STXBP5: variants seen among roughly 807,000 people sequenced by gnomAD.
STXBP5 encodes the protein syntaxin-binding protein 5.
In STXBP5, 50 loss-of-function variants were observed where a neutral mutation model predicts 152.4. That is an observed-to-expected ratio of 0.33 (90% CI 0.26 to 0.42). The LOEUF (loss-of-function observed/expected upper bound fraction) is 0.42. Among genes scored for constraint, STXBP5 ranks in the 10% least tolerant of loss-of-function variants. The pLI, the probability that STXBP5 is intolerant of heterozygous loss-of-function variation, is 1.00. For missense variants in STXBP5, 1,167 were observed against 1,388.6 expected, an observed-to-expected ratio of 0.84 and a Z score of 2.54; for synonymous variants, 492 against 494.7, an observed-to-expected ratio of 0.99 and a Z score of 0.07.
intron 23 of STXBP5, among the ~76,000 whole-genome samples, chr6:147,360,634 A>G (rs947595050): frequency 2.0e-5 from 3 of 152,132 alleles, no homozygotes; most frequent in Non-Finnish European, 2.9e-5. Flanking sequence ...CATTCTACAC[A>G]TGGTTATTTT....
At chr6:147,373,012 G>A (rs1319633187) in intron 25 of STXBP5, among the ~76,000 whole-genome samples, 1 of 152,078 alleles carries the variant, frequency 6.6e-6, no homozygotes, top group Admixed American at 6.6e-5. Flanking sequence ...TCAGCTAAAA[G>A]TTATAATTCC....
chr6:147,299,367 T>C (rs955932222), intron 9 of STXBP5, among the ~76,000 whole-genome samples: 25 of 151,796 alleles, frequency 1.6e-4, no homozygotes, highest in African/African-American at 5.8e-4. Flanking sequence ...GTAATAAAAG[T>C]AGTGTCCCAG....
chr6:147,206,617 T>C (rs1776577900), intron 2 of STXBP5, among the ~76,000 whole-genome samples: 1 of 152,148 alleles, frequency 6.6e-6, no homozygotes. Flanking sequence ...GAGCGTTTTC[T>C]TGAAAAATGC....
intron 22 of STXBP5, 77 bp from the exon 23 acceptor site, chr6:147,359,007 C>G: frequency 6.6e-7 from 1 of 1,516,888 alleles, no homozygotes; most frequent in South Asian, 1.3e-5. Context: ...ACTATTTGAC[C>G]AAATTTATAT....
intron 18 of STXBP5, among the ~76,000 whole-genome samples, chr6:147,333,393 G>A (rs1002851571): frequency 6.6e-6 from 1 of 151,974 alleles, no homozygotes; most frequent in Non-Finnish European, 1.5e-5. Context: ...GCATGGTGGG[G>A]CGCACCTGTA....
chr6:147,345,009 A>T (rs912280246), intron 21 of STXBP5, among the ~76,000 whole-genome samples: 2 of 152,196 alleles, frequency 1.3e-5, no homozygotes, highest in Admixed American at 6.5e-5. Flanking sequence ...ACAAGTACTC[A>T]TATCTTTAAA....
rs1228258044 is a variant in STXBP5, at chr6:147,287,415, G to T, written c.839-3679G>T. Among the ~76,000 whole-genome samples, 6 of 151,440 alleles carry T rather than the reference G, an allele frequency of 4.0e-5. No individual in the cohort carries two copies. The East Asian group carries it at 9.7e-4, about 24-fold the overall frequency. ...GACGGGGTTTCACCGTTTTAGCCGG[G>T]ATGGTCTCGATCTCCTGACCTCGTG... On this transcript the variant is annotated intron_variant, in intron 8 of 27. Coordinates refer to ENST00000321680, the MANE Select transcript of STXBP5 (RefSeq NM_001127715.4).
intron 4 of STXBP5, among the ~76,000 whole-genome samples, chr6:147,255,111 T>C (rs952017470): frequency 2.0e-5 from 3 of 152,148 alleles, no homozygotes; most frequent in African/African-American, 4.8e-5. Flanking sequence ...ATGTGGCACA[T>C]ATACACCTGG....
chr6:147,248,450 GT>G (rs902808294), intron 4 of STXBP5, among the ~76,000 whole-genome samples: 16 of 151,590 alleles, frequency 1.1e-4, no homozygotes, highest in Non-Finnish European at 1.8e-4. Flanking sequence ...AAATAATTGA[GT>G]TTTTTTTTAA....
In STXBP5 at chr6:147,260,766, A is replaced by C. The variant is rs778991664; in HGVS notation, c.566+17A>C. On this transcript the variant is annotated intron_variant, in intron 5 of 27. Coordinates refer to ENST00000321680, the MANE Select transcript of STXBP5 (RefSeq NM_001127715.4). ...CATTGAACTGTGAGTTTGAACAAAT[A>C]TTTTGTATCTGAAAGCATCAGTTCT... The C allele has an allele frequency of 6.2e-7, 1 of 1,611,052 alleles. No individual in the cohort carries two copies. The highest frequency in any genetic ancestry group is 2.2e-5 in the East Asian group (1 of 44,800).
intron 4 of STXBP5, among the ~76,000 whole-genome samples, chr6:147,245,719 T>A (rs1468691283): frequency 6.6e-6 from 1 of 152,214 alleles, no homozygotes; most frequent in Non-Finnish European, 1.5e-5. Context: ...AGGTGGAGAC[T>A]AATCTGGTGT....
At chr6:147,328,698 G>A (rs779081018) in intron 18 of STXBP5, 6 of 470,088 alleles carry the variant, frequency 1.3e-5, no homozygotes, top group South Asian at 9.3e-5. Context: ...GCTTCACTAA[G>A]GTGTGCTGAT....
chr6:147,377,956 AAG>A (rs1414586507), intron 26 of STXBP5, among the ~76,000 whole-genome samples: 5 of 152,220 alleles, frequency 3.3e-5, no homozygotes, highest in Non-Finnish European at 7.3e-5. Context: ...AGTTAAAAAT[AAG>A]AGAATGTAAT....
At chr6:147,310,052 A>G (rs751982037) in intron 9 of STXBP5, 32 bp from the exon 10 acceptor site, 23 of 1,407,344 alleles carry the variant, frequency 1.6e-5, no homozygotes, top group Non-Finnish European at 1.8e-5. Flanking sequence ...TTACTATGCC[A>G]TTAATAATCT....
chr6:147,256,391 T>C (rs889043731), intron 4 of STXBP5, among the ~76,000 whole-genome samples: 6 of 152,156 alleles, frequency 3.9e-5, no homozygotes, highest in Non-Finnish European at 8.8e-5. Flanking sequence ...GTATCTGCAG[T>C]ATAGAAGGGC....
In STXBP5 at chr6:147,314,194, C is replaced by CAG. The variant is rs1333034084; in HGVS notation, c.1294-69_1294-68insGA. On this transcript the variant is annotated intron_variant, in intron 12 of 27. Transcript: ENST00000321680. ...TCACTGGATTATTTACACACACACA[C>CAG]ACACACACACACACACGGAGGTATG... is the stretch of plus-strand genomic sequence containing the variant. The CAG allele has an allele frequency of 5.7e-6, 8 of 1,392,500 alleles. No homozygotes were observed. In the East Asian group the frequency reaches 1.8e-4, roughly 32 times the overall value. 86.3% of individuals were successfully genotyped at this position (1,392,500 alleles called of 1,614,324 possible).
intron 2 of STXBP5, among the ~76,000 whole-genome samples, chr6:147,227,803 CT>C (rs1448792491): frequency 2.0e-5 from 3 of 152,116 alleles, no homozygotes; most frequent in Non-Finnish European, 4.4e-5. Flanking sequence ...CGTATTATAC[CT>C]TTTTTTCTTT....
intron 26 of STXBP5, among the ~76,000 whole-genome samples, chr6:147,375,680 G>A (rs1163658280): frequency 6.6e-6 from 1 of 151,198 alleles, no homozygotes; most frequent in African/African-American, 2.4e-5. Flanking sequence ...AATTGATACA[G>A]TGATCCACAA....
At chr6:147,289,067 G>T (rs1392970401) in intron 8 of STXBP5, among the ~76,000 whole-genome samples, 1 of 152,182 alleles carries the variant, frequency 6.6e-6, no homozygotes, top group Non-Finnish European at 1.5e-5. Flanking sequence ...GCCCATGCCT[G>T]GGAAGTTGCG....
Sources: gnomAD v4.1 joint callset for allele counts (sites outside exome capture counted in the v4.1 genomes callset) on GRCh38, gnomAD v4.1.1 for gene constraint, MANE v1.5 for transcripts, NCBI Gene and HGNC (gene_info 2026-07-23, HGNC 2026-07-21) for gene names.